MAP3K20: variants seen among roughly 807,000 people sequenced by gnomAD.
MAP3K20 encodes mitogen-activated protein kinase kinase kinase 20.
In MAP3K20, 40 loss-of-function variants were observed where a neutral mutation model predicts 85.7. The ratio of observed to expected loss-of-function variants is 0.47; its 90% CI spans 0.36 to 0.61. The LOEUF (loss-of-function observed/expected upper bound fraction) is 0.61. Ranked by LOEUF, MAP3K20 falls within the 20% of genes least tolerant of loss-of-function variation. MAP3K20 has a pLI of 0.00. For synonymous variants in MAP3K20, 325 were observed against 327.7 expected (o/e 0.99, Z 0.09); for missense variants, 817 against 961.7 (o/e 0.85, Z 1.99).
In MAP3K20 at chr2:173,209,718, CTCT is replaced by C. The variant is rs769269795; in HGVS notation, c.745-5_745-3del. 3 of 1,598,720 alleles carry C rather than the reference CTCT, an allele frequency of 1.9e-6. No individual in the cohort carries two copies. In the South Asian group the frequency reaches 3.4e-5, roughly 18 times the overall value. On this transcript the variant is annotated splice_polypyrimidine_tract_variant and splice_region_variant and intron_variant, in intron 9 of 19. Transcript: ENST00000375213. ...GTCCCAGCGAATGATTACTTATTTT[CTCT>C]TCTTCAGAAACGGCCATCATTCAAG... is the stretch of plus-strand genomic sequence containing the variant.
At chr2:173,128,622 G>A (rs1184574706) in intron 2 of MAP3K20, among the ~76,000 whole-genome samples, 1 of 152,078 alleles carries the variant, frequency 6.6e-6, no homozygotes, top group Non-Finnish European at 1.5e-5. Context: ...TTGAGCCACT[G>A]AGTCCAGCCT....
chr2:173,080,446 C>T (rs949412124), intron 1 of MAP3K20, among the ~76,000 whole-genome samples: 4 of 152,120 alleles, frequency 2.6e-5, no homozygotes, highest in Non-Finnish European at 5.9e-5. Context: ...CTGGGAAGTC[C>T]AGGTACATGG....
chr2:173,103,140 G>A (rs1350066444), intron 2 of MAP3K20, among the ~76,000 whole-genome samples: 1 of 152,150 alleles, frequency 6.6e-6, no homozygotes, highest in Non-Finnish European at 1.5e-5. Context: ...ATAATACAAA[G>A]TTTAGTGAGC....
At chr2:173,253,996 T>C (rs1685099624) in intron 16 of MAP3K20, among the ~76,000 whole-genome samples, 2 of 149,108 alleles carry the variant, frequency 1.3e-5, no homozygotes, top group Admixed American at 1.3e-4. Flanking sequence ...GCTTGAGCCC[T>C]GGAAATTGAT....
intron 2 of MAP3K20, among the ~76,000 whole-genome samples, chr2:173,168,072 ATTATTTCTAATAATAATAAATAAACT>A (rs150210619): frequency 0.3 from 44,869 of 149,650 alleles, 8,527 homozygotes; most frequent in Non-Finnish European, 0.43. Context: ...AACTTTATTT[ATTATTTCTAATAATAATAAATAAACT>A]TTATTTCTAA....
Position 173,173,154 on chromosome 2 carries a change from C to CTGTGTGTG in MAP3K20, c.247+3298_247+3305dup, listed in dbSNP as rs57836780. On this transcript the variant is annotated intron_variant, in intron 3 of 19. Coordinates refer to ENST00000375213, the MANE Select transcript of MAP3K20 (RefSeq NM_016653.3). Reference sequence around the variant, plus strand: ...CTGTACTACTCCCATTCTTTTATTTCTGTGTGTGTGTGTGTGTGTGTGTGT... The same window carrying CTGTGTGTG: ...CTGTACTACTCCCATTCTTTTATTTCTGTGTGTGTGTGTGTGTGTGTGTGTGTGTGTGT... Among the ~76,000 whole-genome samples, 419 of 138,604 alleles carry CTGTGTGTG rather than the reference C, an allele frequency of 3.0e-3. 1 individual carries two copies. Among genetic ancestry groups the CTGTGTGTG allele is most frequent in the East Asian group, 3.5e-3 (17 of 4,812 alleles). The allele number at this position is 138,604 out of a possible 152,430, so 90.9% of individuals were successfully genotyped here. A position where few individuals can be genotyped will look rare whatever the true frequency, so the allele number is the denominator to read the frequency against.
chr2:173,212,819 A>T (rs529318263), intron 10 of MAP3K20: 1 of 151,776 alleles, frequency 6.6e-6, no homozygotes, highest in African/African-American at 2.4e-5. Context: ...AAAAAAAAGA[A>T]AAGAAATGAG....
chr2:173,116,957 G>A (rs968227193), intron 2 of MAP3K20, among the ~76,000 whole-genome samples: 3 of 152,210 alleles, frequency 2.0e-5, no homozygotes, highest in Non-Finnish European at 1.5e-5. Context: ...GAAGCAAACT[G>A]GATCATTGTT....
intron 16 of MAP3K20, among the ~76,000 whole-genome samples, chr2:173,257,872 T>C (rs1685196106): frequency 6.6e-6 from 1 of 152,200 alleles, no homozygotes; most frequent in African/African-American, 2.4e-5. Flanking sequence ...TGGTACCTCA[T>C]TGTGGATTTA....
chr2:173,117,314 T>C (rs1399654228), intron 2 of MAP3K20, among the ~76,000 whole-genome samples: 3 of 152,192 alleles, frequency 2.0e-5, no homozygotes, highest in East Asian at 3.9e-4. Flanking sequence ...CATCTCACTC[T>C]GTTGCCCAGG....
At chr2:173,162,859 T>C (rs1689704522) in intron 2 of MAP3K20, among the ~76,000 whole-genome samples, 1 of 152,232 alleles carries the variant, frequency 6.6e-6, no homozygotes, top group African/African-American at 2.4e-5. Flanking sequence ...TGGACCCCGC[T>C]GAGACACAAT....
intron 1 of MAP3K20, among the ~76,000 whole-genome samples, chr2:173,079,155 G>A (rs948432744): frequency 2.0e-5 from 3 of 152,182 alleles, no homozygotes; most frequent in South Asian, 2.1e-4. Flanking sequence ...GAGATAGTCC[G>A]TTGCTCCTAG....
intron 1 of MAP3K20, among the ~76,000 whole-genome samples, chr2:173,076,492 G>T (rs886501392): frequency 7.8e-4 from 118 of 152,218 alleles, no homozygotes; most frequent in Non-Finnish European, 2.4e-4. Flanking sequence ...CTCGCTGTGC[G>T]TGCGAGGAGG....
intron 2 of MAP3K20, among the ~76,000 whole-genome samples, chr2:173,147,604 T>A (rs1243737012): frequency 6.6e-6 from 1 of 152,190 alleles, no homozygotes; most frequent in Non-Finnish European, 1.5e-5. Flanking sequence ...TTTTCTTTTT[T>A]TGAGACGGAG....
At chr2:173,169,297 GCTT>G (rs368994173) in intron 2 of MAP3K20, among the ~76,000 whole-genome samples, 17 of 152,134 alleles carry the variant, frequency 1.1e-4, no homozygotes, top group South Asian at 1.0e-3. Context: ...CTCTTTTATC[GCTT>G]CTTCAACCCC....
chr2:173,211,374 T>C (rs1236301001), intron 10 of MAP3K20: 2 of 152,358 alleles, frequency 1.3e-5, no homozygotes, highest in Non-Finnish European at 2.9e-5. Context: ...TGGCTTTCAG[T>C]CCCTCAACAG....
At chr2:173,076,563 T>C (rs780269803) in intron 1 of MAP3K20, among the ~76,000 whole-genome samples, 2 of 152,260 alleles carry the variant, frequency 1.3e-5, no homozygotes, top group Non-Finnish European at 2.9e-5. Flanking sequence ...CCCATCCATT[T>C]TCCTTCATTC....
intron 16 of MAP3K20, among the ~76,000 whole-genome samples, chr2:173,250,337 C>T (rs1425348221): frequency 1.3e-5 from 2 of 152,150 alleles, no homozygotes; most frequent in East Asian, 1.9e-4. Flanking sequence ...CCTCCCATTT[C>T]GACTGACATG....
At chr2:173,252,845 C>T (rs989484508) in intron 16 of MAP3K20, among the ~76,000 whole-genome samples, 1 of 152,194 alleles carries the variant, frequency 6.6e-6, no homozygotes, top group African/African-American at 2.4e-5. Flanking sequence ...ATACACAATA[C>T]CTCCAGGCAT....
Sources: allele counts gnomAD v4.1 joint callset (sites outside exome capture counted in the v4.1 genomes callset), GRCh38; gene constraint gnomAD v4.1.1; transcripts MANE v1.5; gene names NCBI Gene and HGNC (gene_info 2026-07-23, HGNC 2026-07-21).